The following CINP variants were observed in gnomAD, a reference collection of about 807,000 sequenced individuals.
CINP encodes the protein cyclin dependent kinase 2 interacting protein.
A neutral mutation model predicts 20.5 loss-of-function variants in CINP; 11 were observed. The observed-to-expected ratio is 0.54, with a 90% CI of 0.34 to 0.89. CINP has a LOEUF of 0.89. Ranked by LOEUF, CINP falls within the 40% of genes least tolerant of loss-of-function variation. CINP has a pLI of 0.02. For missense variants in CINP, 213 were observed against 251.0 expected (o/e 0.85, Z 1.02); for synonymous variants, 108 against 102.1 (o/e 1.06, Z -0.35).
intron 3 of CINP, 91 bp downstream of exon 3, chr14:102,355,677 G>GT (rs1422261325): frequency 7.0e-7 from 1 of 1,424,744 alleles, no homozygotes; most frequent in Non-Finnish European, 9.7e-7. Flanking sequence ...CTGAGAAGGA[G>GT]TAAGTGATGG....
chr14:102,352,128 C>T (rs977085074), intron 3 of CINP, among the ~76,000 whole-genome samples: 4 of 152,130 alleles, frequency 2.6e-5, no homozygotes, highest in Admixed American at 6.5e-5. Flanking sequence ...CCTTGTGATC[C>T]GCCCACCTCA....
chr14:102,348,906 C>A (rs887195843), intron 4 of CINP, 147 bp from the exon 5 acceptor site: 28 of 679,976 alleles, frequency 4.1e-5, no homozygotes, highest in Admixed American at 2.7e-4. Flanking sequence ...GTTTACTACT[C>A]TAGCTGGTGC....
At chr14:102,362,182 T>C (rs1184964571) in intron 1 of CINP, among the ~76,000 whole-genome samples, 1 of 152,204 alleles carries the variant, frequency 6.6e-6, no homozygotes, top group Middle Eastern at 3.2e-3. Context: ...TCAGCCTGAC[T>C]CATACGGGGC....
rs1196748884 is a variant in CINP, at chr14:102,359,636, A to G, written c.8-49T>C. ...AATTATTATCATGGAATATACAATC[A>G]TAGTTGGAGGGCAAATGTCCTTATA... On this transcript the variant is annotated intron_variant, in intron 1 of 4. Transcript: ENST00000216756. 2.1e-6 allele frequency: 3 copies of G among 1,402,168 alleles called. No individual in the cohort carries two copies. In the Admixed American group the frequency reaches 6.0e-5, roughly 28 times the overall value. 86.9% of individuals were successfully genotyped at this position (1,402,168 alleles called of 1,614,324 possible).
chr14:102,358,119 T>A (rs2139632964), intron 2 of CINP, among the ~76,000 whole-genome samples: 1 of 152,326 alleles, frequency 6.6e-6, no homozygotes, highest in East Asian at 1.9e-4. Flanking sequence ...GGAACTGAAT[T>A]GCTGCAATCT....
intron 2 of CINP, among the ~76,000 whole-genome samples, chr14:102,358,141 T>C (rs1458917088): frequency 6.6e-6 from 1 of 152,188 alleles, no homozygotes; most frequent in Non-Finnish European, 1.5e-5. Flanking sequence ...ATGAGAAAAC[T>C]TGAACAGATA....
chr14:102,357,119 G>T (rs192582266), intron 2 of CINP, among the ~76,000 whole-genome samples: 1 of 152,172 alleles, frequency 6.6e-6, no homozygotes, highest in Admixed American at 6.6e-5. Context: ...GGTGGCTCAC[G>T]CCTGTAATCC....
In CINP at chr14:102,350,064, T is replaced by C; in HGVS notation, c.307-16A>G. 1 of 1,601,486 alleles carries C rather than the reference T, an allele frequency of 6.2e-7. No homozygotes were observed. The highest frequency in any genetic ancestry group is 1.1e-5 in the South Asian group (1 of 89,840). ...GTATTTTGGTCTGAAAGATATCCAT[T>C]TGGAATATGATAATATTATTTGAAA... On this transcript the variant is annotated splice_polypyrimidine_tract_variant and intron_variant, in intron 3 of 4. Transcript: ENST00000216756.
At chr14:102,362,694 G>T in intron 1 of CINP, 151 bp downstream of exon 1, 2 of 1,025,154 alleles carry the variant, frequency 2.0e-6, no homozygotes, top group South Asian at 1.3e-5. Flanking sequence ...CAGAGGCTGC[G>T]AGGGGCCTGC....
chr14:102,359,223 ACTAAAT>A (rs1005315765), intron 2 of CINP, among the ~76,000 whole-genome samples, 190 bp downstream of exon 2: 10 of 53,900 alleles, frequency 1.9e-4, no homozygotes, highest in East Asian at 3.8e-4. Context: ...TAAATAAATA[ACTAAAT>A]ATATATATAT....
At position 102,348,401 on chromosome 14, in the gene CINP, C is replaced by T. The variant is rs145787596; in HGVS notation, c.*156G>A. On this transcript the variant is annotated 3_prime_UTR_variant, in exon 5 of 5. Coordinates refer to ENST00000216756, the MANE Select transcript of CINP (RefSeq NM_032630.3). The stretch of plus-strand genomic sequence containing the variant: ...TGGCCGCGGGTTGTGGGCATGAGCA[C>T]GCCTGGAGAGGCCATGGGGCTGGTG... The T allele has an allele frequency of 5.4e-3, 3,638 of 673,684 alleles. 16 individuals carry two copies. Among genetic ancestry groups the T allele is most frequent in the Non-Finnish European group, 5.5e-3 (2,218 of 403,212 alleles). The allele number at this position is 673,684 out of a possible 1,614,324, so 41.7% of individuals were successfully genotyped here.
chr14:102,356,813 G>A (rs1237430061), intron 2 of CINP, among the ~76,000 whole-genome samples: 1 of 151,982 alleles, frequency 6.6e-6, no homozygotes, highest in East Asian at 1.9e-4. Flanking sequence ...CATATATAAC[G>A]GCAAGCTTAA....
In CINP at chr14:102,348,470, G is replaced by A; in HGVS notation, c.*87C>T. 2 of 1,259,506 alleles carry A rather than the reference G, an allele frequency of 1.6e-6. No homozygotes were observed. The highest frequency in any genetic ancestry group is 2.2e-6 in the Non-Finnish European group (2 of 907,150). The allele number at this position is 1,259,506 out of a possible 1,614,324, so 78.0% of individuals were successfully genotyped here. On this transcript the variant is annotated 3_prime_UTR_variant, in exon 5 of 5. Transcript: ENST00000216756. ...ACCCCAAGGTCTGATCCTGGGGTCT[G>A]ATCCAGGCCTGCGGCACTGGGTCCT... is the stretch of plus-strand genomic sequence containing the variant.
intron 2 of CINP, among the ~76,000 whole-genome samples, chr14:102,359,165 C>CA (rs1287236033): frequency 6.7e-6 from 1 of 149,196 alleles, no homozygotes; most frequent in African/African-American, 2.5e-5. Flanking sequence ...CGCGCCATCA[C>CA]ACTCCAGCCT....
intron 4 of CINP, 149 bp downstream of exon 4, chr14:102,349,770 T>C (rs968243401): frequency 1.1e-6 from 1 of 943,594 alleles, no homozygotes; most frequent in African/African-American, 1.7e-5. Flanking sequence ...AGAAGAAATG[T>C]TTAAGATGCC....
At position 102,351,903 on chromosome 14, in the gene CINP, G is replaced by A. The variant is rs1174353344; in HGVS notation, c.307-1855C>T. On this transcript the variant is annotated intron_variant, in intron 3 of 4. Transcript: ENST00000216756. This position sits in a 1 kb window ranked among gnomAD's most constrained non-coding sequence, Gnocchi z 4.2. ...TTTTGTTTTTGTTTTTGTTTTTTTT[G>A]AGACAGAGTCTCGCTTTGTCACCCA... Among the ~76,000 whole-genome samples the A allele has an allele frequency of 2.0e-5, 3 of 151,432 alleles. No individual in the cohort carries two copies. The highest frequency in any genetic ancestry group is 4.4e-5 in the Non-Finnish European group (3 of 67,896).
In CINP at chr14:102,351,234, A is replaced by T. The variant is rs1034764105; in HGVS notation, c.307-1186T>A. 2.0e-5 allele frequency among the ~76,000 whole-genome samples: 3 copies of T among 152,206 alleles called. No homozygotes were observed. Among genetic ancestry groups the T allele is most frequent in the Admixed American group, 6.5e-5 (1 of 15,280 alleles). On this transcript the variant is annotated intron_variant, in intron 3 of 4. Coordinates refer to ENST00000216756, the MANE Select transcript of CINP (RefSeq NM_032630.3). This position sits in a 1 kb window ranked among gnomAD's most constrained non-coding sequence, Gnocchi z 4.2. ...ACACACTTCACGCAGAAAGGAAGGA[A>T]ACGTGGCAAGCTGCCATTGACGGTC...
chr14:102,352,194 G>C (rs1418947091), intron 3 of CINP, among the ~76,000 whole-genome samples: 1 of 152,134 alleles, frequency 6.6e-6, no homozygotes, highest in African/African-American at 2.4e-5. Context: ...CCGACACCAA[G>C]TTTTAACACC....
intron 3 of CINP, among the ~76,000 whole-genome samples, chr14:102,350,677 G>C (rs532518024): frequency 6.6e-6 from 1 of 151,994 alleles, no homozygotes; most frequent in African/African-American, 2.4e-5. Context: ...CTTTTAAGAA[G>C]TGAGAGAGAA....
Sources: gnomAD v4.1 joint callset for allele counts (sites outside exome capture counted in the v4.1 genomes callset) on GRCh38, gnomAD v4.1.1 for gene constraint, Gnocchi (gnomAD v3.1) non-coding constraint, MANE v1.5 for transcripts, NCBI Gene and HGNC (gene_info 2026-07-23, HGNC 2026-07-21) for gene names.